ASCC2: variants seen among roughly 807,000 people sequenced by gnomAD.
ASCC2 encodes activating signal cointegrator 1 complex subunit 2.
Under a neutral mutation model 93.5 loss-of-function variants are expected in ASCC2, and 42 were observed. The ratio of observed to expected loss-of-function variants is 0.45; its 90% confidence interval spans 0.35 to 0.58. ASCC2 has a LOEUF of 0.58. Among genes scored for constraint, ASCC2 ranks in the 20% least tolerant of loss-of-function variants. The pLI is 0.00. For missense variants in ASCC2, 859 were observed against 977.6 expected (o/e 0.88, Z 1.62); for synonymous variants, 364 against 384.2 (o/e 0.95, Z 0.62).
chr22:29,800,697 C>T (rs2058980323), intron 15 of ASCC2, among the ~76,000 whole-genome samples: 1 of 152,174 alleles, frequency 6.6e-6, no homozygotes, highest in African/African-American at 2.4e-5. Flanking sequence ...TGATGGTTAA[C>T]ACATTAAAAG....
intron 7 of ASCC2, among the ~76,000 whole-genome samples, chr22:29,814,345 A>T (rs1373361203): frequency 6.6e-6 from 1 of 152,264 alleles, no homozygotes; most frequent in Non-Finnish European, 1.5e-5. Flanking sequence ...AAGTCCACTG[A>T]ATAAATGGCT....
At chr22:29,792,952 C>T (rs1180829971) in intron 17 of ASCC2, among the ~76,000 whole-genome samples, 2 of 152,090 alleles carry the variant, frequency 1.3e-5, no homozygotes, top group African/African-American at 4.8e-5. Context: ...TGAGACTAGT[C>T]TGGGCAACAT....
chr22:29,838,133 G>T, intron 1 of ASCC2, 45 bp downstream of exon 1: 1 of 460,098 alleles, frequency 2.2e-6, no homozygotes, highest in South Asian at 1.5e-5. Flanking sequence ...CGGCTCCTCC[G>T]GGGTCCCTTG....
intron 15 of ASCC2, 145 bp downstream of exon 15, chr22:29,800,846 G>C: frequency 1.0e-6 from 1 of 952,402 alleles, no homozygotes; most frequent in Middle Eastern, 3.8e-4. Flanking sequence ...CTAACCACTG[G>C]GGGTGCACAG....
chr22:29,834,530 T>G (rs750324321), intron 1 of ASCC2: 1 of 470,924 alleles, frequency 2.1e-6, no homozygotes, highest in South Asian at 1.5e-5. Context: ...ACACACATGG[T>G]CTCTGCATAC....
At chr22:29,827,792 A>ACACAC (rs1555880315) in intron 2 of ASCC2, among the ~76,000 whole-genome samples, 6 of 78,020 alleles carry the variant, frequency 7.7e-5, no homozygotes, top group South Asian at 3.7e-4. Context: ...ACACACACAC[A>ACACAC]ACCAGGCTAC....
At chr22:29,807,266 A>G (rs2059787855) in intron 9 of ASCC2, among the ~76,000 whole-genome samples, 1 of 151,158 alleles carries the variant, frequency 6.6e-6, no homozygotes, top group African/African-American at 2.4e-5. Context: ...AAAAAGGGAA[A>G]AGAAAAAGAA....
At chr22:29,831,601 C>T (rs1328360513) in intron 2 of ASCC2, among the ~76,000 whole-genome samples, 2 of 152,170 alleles carry the variant, frequency 1.3e-5, no homozygotes, top group East Asian at 3.8e-4. Context: ...TTCCTCCCAC[C>T]TTGTTCAAGT....
Position 29,822,329 on chromosome 22 carries a change from A to G in ASCC2, c.541+6T>C, listed in dbSNP as rs752556555. 2 of 1,613,714 alleles carry G rather than the reference A, an allele frequency of 1.2e-6. No individual in the cohort carries two copies. Among genetic ancestry groups the G allele is most frequent in the Admixed American group, 3.3e-5 (2 of 59,970 alleles). On this transcript the variant is annotated splice_donor_region_variant and intron_variant, in intron 5 of 19. Coordinates refer to ENST00000307790, the MANE Select transcript of ASCC2 (RefSeq NM_032204.5). ...GTGCATCCTCCCAGTCCTGCATCCT[A>G]CACACCTATCATCTTCTGGAGCAGT...
chr22:29,807,684 G>A (rs976890626), intron 9 of ASCC2, among the ~76,000 whole-genome samples: 2 of 151,762 alleles, frequency 1.3e-5, no homozygotes, highest in Non-Finnish European at 1.5e-5. Context: ...AATATGCTAA[G>A]AGTTTAAAAA....
In ASCC2 at chr22:29,808,250, C is replaced by A; in HGVS notation, c.834-65G>T. 2.0e-6 allele frequency: 3 copies of A among 1,515,632 alleles called. No homozygotes were observed. The Admixed American group carries it at 5.2e-5, about 26-fold the overall frequency. 93.9% of individuals were successfully genotyped at this position (1,515,632 alleles called of 1,614,324 possible). A position where few individuals can be genotyped will look rare whatever the true frequency, so the allele number is the denominator to read the frequency against. On this transcript the variant is annotated intron_variant, in intron 8 of 19. Transcript: ENST00000307790. ...TAAATACCACACTTCATAAGAACAT[C>A]AAAGCAAACCCCAGGGAGTGGGAAG...
At position 29,816,050 on chromosome 22, in the gene ASCC2, T is replaced by C. The variant is rs755999624; in HGVS notation, c.565A>G (p.Ser189Gly). The stretch of plus-strand genomic sequence containing the variant: ...GTTTCATCCAGGTCACTGTAGTAAC[T>C]TGGCTGCTGTGTAAAGATGTTTCCT... ...MIGNIFTQQP[S>G]YYSDLDETLP... The change falls in exon 6 of 20, where the codon AGT becomes GGT. Residue 189 changes from serine (S) to glycine (G), a missense_variant. Physicochemically the swap from Ser to Gly is moderately conservative, Grantham distance 56 (BLOSUM62 0). Transcript: ENST00000307790. 2 of 1,599,572 alleles carry C rather than the reference T, an allele frequency of 1.3e-6. No homozygotes were observed. The highest frequency in any genetic ancestry group is 2.3e-5 in the South Asian group (2 of 87,974).
At chr22:29,821,794 A>T (rs747321391) in intron 5 of ASCC2, 2 of 326,988 alleles carry the variant, frequency 6.1e-6, no homozygotes, top group Non-Finnish European at 1.2e-5. Context: ...CAGGAGTTCA[A>T]GACCAGCTGG....
rs1307638316 is a variant in ASCC2 at position 29,838,237 on chromosome 22, G to A, written c.-77C>T. ...CGCCGCCGCCGCCGCCGACCACGGTGACAGCTCCCTGAGCGCCCGCACTTC... is the reference window on the plus strand; with the variant it reads ...CGCCGCCGCCGCCGCCGACCACGGTAACAGCTCCCTGAGCGCCCGCACTTC... On this transcript the variant is annotated 5_prime_UTR_variant, in exon 1 of 20. Coordinates refer to ENST00000307790, the MANE Select transcript of ASCC2 (RefSeq NM_032204.5). The A allele has an allele frequency of 6.6e-6, 3 of 456,272 alleles. No individual in the cohort carries two copies. The highest frequency in any genetic ancestry group is 1.3e-5 in the Non-Finnish European group (3 of 228,700). 28.3% of individuals were successfully genotyped at this position (456,272 alleles called of 1,614,324 possible). A position where few individuals can be genotyped will look rare whatever the true frequency, so the allele number is the denominator to read the frequency against.
intron 7 of ASCC2, 149 bp from the exon 8 acceptor site, chr22:29,813,691 C>CT (rs768131347): frequency 3.2e-5 from 20 of 624,814 alleles, no homozygotes; most frequent in Admixed American, 2.2e-4. Flanking sequence ...CAGGCAAAGT[C>CT]TGGCTAGTCC....
chr22:29,832,587 C>CTT (rs375947944), intron 1 of ASCC2: 1,059 of 199,518 alleles, frequency 5.3e-3, no homozygotes, highest in South Asian at 0.011. Context: ...TTTCCACCCA[C>CTT]TTTTTTTTTT....
intron 10 of ASCC2, 92 bp from the exon 11 acceptor site, chr22:29,806,645 C>A: frequency 6.9e-7 from 1 of 1,458,262 alleles, no homozygotes; most frequent in South Asian, 1.2e-5. Context: ...AAGGCTGGGG[C>A]CCAGTGGAGG....
chr22:29,795,511 G>T (rs2058325288), intron 15 of ASCC2, among the ~76,000 whole-genome samples: 1 of 152,182 alleles, frequency 6.6e-6, no homozygotes, highest in Non-Finnish European at 1.5e-5. Flanking sequence ...GAGCCATAGG[G>T]ATATCTGGGG....
chr22:29,816,224 C>T (rs2060837034), intron 5 of ASCC2, 151 bp from the exon 6 acceptor site: 2 of 686,008 alleles, frequency 2.9e-6, no homozygotes. Context: ...AGTCCTGGCC[C>T]CAGGCCCTGC....
Sources: allele counts gnomAD v4.1 joint callset (sites outside exome capture counted in the v4.1 genomes callset), GRCh38; gene constraint gnomAD v4.1.1; transcripts MANE v1.5; gene names NCBI Gene and HGNC (gene_info 2026-07-23, HGNC 2026-07-21).